The following CCDC178 variants were observed in gnomAD, a reference collection of about 807,000 sequenced individuals.
The protein encoded by CCDC178 is coiled-coil domain containing 178, also known as coiled-coil domain-containing protein 178.
Under a neutral mutation model 117.4 loss-of-function variants are expected in CCDC178, and 126 were observed. That is an observed-to-expected ratio of 1.07 (90% CI 0.93 to 1.24). CCDC178 has a LOEUF of 1.24. CCDC178 is among the 50% of genes most tolerant of loss of function. The pLI is 0.00. For missense variants in CCDC178, 1,030 were observed against 986.9 expected, an observed-to-expected ratio of 1.04 and a Z score of -0.59; for synonymous variants, 283 against 313.4, an observed-to-expected ratio of 0.90 and a Z score of 1.02.
At chr18:33,069,665 T>C (rs2057075869) in intron 21 of CCDC178, among the ~76,000 whole-genome samples, 1 of 151,790 alleles carries the variant, frequency 6.6e-6, no homozygotes, top group African/African-American at 2.4e-5. Context: ...AAAACAAAAA[T>C]AGACAAATGA....
chr18:33,262,234 T>C (rs2059759493), intron 14 of CCDC178, among the ~76,000 whole-genome samples: 1 of 152,202 alleles, frequency 6.6e-6, no homozygotes. Context: ...TTTAAAGTAC[T>C]TCTGCATTTT....
chr18:33,030,756 T>C (rs1458283320), intron 21 of CCDC178, among the ~76,000 whole-genome samples: 3 of 151,972 alleles, frequency 2.0e-5, no homozygotes, highest in Admixed American at 6.6e-5. Flanking sequence ...TCAATAGACA[T>C]AGATGATAGA....
chr18:33,399,197 T>TAAA (rs58594519), intron 3 of CCDC178, among the ~76,000 whole-genome samples: 1 of 135,012 alleles, frequency 7.4e-6, no homozygotes, highest in African/African-American at 2.7e-5. Context: ...AAGACTGTCT[T>TAAA]AAAAAAAAAA....
At chr18:33,137,936 A>G (rs2058149164) in intron 20 of CCDC178, among the ~76,000 whole-genome samples, 1 of 152,232 alleles carries the variant, frequency 6.6e-6, no homozygotes, top group Admixed American at 6.5e-5. Context: ...GTGTAATGGA[A>G]AGTGGACAAG....
intron 20 of CCDC178, among the ~76,000 whole-genome samples, chr18:33,175,168 A>T (rs2058650596): frequency 6.6e-6 from 1 of 151,698 alleles, no homozygotes; most frequent in East Asian, 1.9e-4. Flanking sequence ...AAGCCACCGC[A>T]CCTGGCCTCT....
chr18:32,955,317 A>G (rs143222273), intron 22 of CCDC178, among the ~76,000 whole-genome samples: 18 of 152,284 alleles, frequency 1.2e-4, no homozygotes, highest in African/African-American at 3.1e-4. Flanking sequence ...CTAAAGCCCA[A>G]TTGTACTCCT....
chr18:33,227,056 C>A (rs2059311714), intron 15 of CCDC178, among the ~76,000 whole-genome samples: 1 of 152,002 alleles, frequency 6.6e-6, no homozygotes, highest in Admixed American at 6.6e-5. Flanking sequence ...AGGAATTAGA[C>A]TACAAAATTT....
intron 15 of CCDC178, among the ~76,000 whole-genome samples, chr18:33,231,589 G>A (rs1362155556): frequency 6.6e-6 from 1 of 152,160 alleles, no homozygotes; most frequent in Admixed American, 6.6e-5. Context: ...TTTACTTTTG[G>A]AGTAAAGCTA....
chr18:33,094,050 A>G (rs2057506277), intron 20 of CCDC178, among the ~76,000 whole-genome samples: 1 of 152,052 alleles, frequency 6.6e-6, no homozygotes, highest in Non-Finnish European at 1.5e-5. Context: ...TCAGCAGAAA[A>G]TTGCCTGTAC....
intron 20 of CCDC178, among the ~76,000 whole-genome samples, chr18:33,102,643 CTGT>C (rs2057647076): frequency 2.0e-5 from 3 of 151,724 alleles, no homozygotes; most frequent in South Asian, 4.1e-4. Context: ...TCACCTGGTA[CTGT>C]TGTTCACATT....
intron 21 of CCDC178, among the ~76,000 whole-genome samples, chr18:32,989,662 T>A (rs1255274297): frequency 6.6e-6 from 1 of 152,184 alleles, no homozygotes; most frequent in Admixed American, 6.5e-5. Flanking sequence ...AAATATTTCC[T>A]TCCTTTGATA....
chr18:33,340,486 A>G (rs1049525684), intron 9 of CCDC178, among the ~76,000 whole-genome samples: 1 of 152,140 alleles, frequency 6.6e-6, no homozygotes, highest in East Asian at 1.9e-4. Flanking sequence ...GTTAATCCCC[A>G]AGACCACGGG....
chr18:33,151,000 GAAAATCAAATGTATGTTCTCACTTAT>G lies in CCDC178; in HGVS notation c.2239-58116_2239-58091del, dbSNP rs1429408352. On this transcript the variant is annotated intron_variant, in intron 20 of 22. Coordinates refer to ENST00000383096, the MANE Select transcript of CCDC178 (RefSeq NM_001105528.4). ...TTCTAGGTGAAATAACTCAGAAATG[GAAAATCAAATGTATGTTCTCACTTAT>G]AAGTGGGAGTTAAGCTATGAGGATG... 2.0e-5 allele frequency among the ~76,000 whole-genome samples: 3 copies of G among 152,262 alleles called. No homozygotes were observed. The East Asian group carries it at 5.8e-4, about 29-fold the overall frequency.
At chr18:33,248,561 T>TC in intron 14 of CCDC178, among the ~76,000 whole-genome samples, 1 of 151,996 alleles carries the variant, frequency 6.6e-6, no homozygotes, top group East Asian at 1.9e-4. Context: ...AATGATGGTT[T>TC]CAGCTTCATC....
At chr18:33,318,585 A>G (rs1256439646) in intron 11 of CCDC178, among the ~76,000 whole-genome samples, 1 of 152,242 alleles carries the variant, frequency 6.6e-6, no homozygotes, top group Non-Finnish European at 1.5e-5. Flanking sequence ...CACAAGACAT[A>G]GAAAATGGGA....
At chr18:33,434,121 ATTG>A (rs1297495268) in intron 2 of CCDC178, among the ~76,000 whole-genome samples, 1 of 152,120 alleles carries the variant, frequency 6.6e-6, no homozygotes, top group African/African-American at 2.4e-5. Context: ...CTAATTTCCT[ATTG>A]TTGTTAAATT....
chr18:33,332,363 AT>A, intron 10 of CCDC178, among the ~76,000 whole-genome samples: 1 of 152,306 alleles, frequency 6.6e-6, no homozygotes, highest in East Asian at 1.9e-4. Context: ...TATAATACAA[AT>A]TTAAATTTGT....
intron 21 of CCDC178, among the ~76,000 whole-genome samples, chr18:32,997,317 A>T (rs1263543772): frequency 6.6e-6 from 1 of 152,216 alleles, no homozygotes; most frequent in Non-Finnish European, 1.5e-5. Context: ...CATTTAAATT[A>T]GTGAACATTG....
chr18:33,023,082 T>C (rs1005479539), intron 21 of CCDC178, among the ~76,000 whole-genome samples: 6 of 152,178 alleles, frequency 3.9e-5, no homozygotes, highest in Middle Eastern at 3.4e-3. Flanking sequence ...CTGCAAAATA[T>C]GTGAAGGAGA....
Sources: allele counts gnomAD v4.1 joint callset (sites outside exome capture counted in the v4.1 genomes callset), GRCh38; gene constraint gnomAD v4.1.1; transcripts MANE v1.5; gene names NCBI Gene and HGNC (gene_info 2026-07-23, HGNC 2026-07-21).